Variants in TMEM131 observed in about 807,000 individuals in gnomAD.
TMEM131 encodes transmembrane protein 131.
In TMEM131, 66 loss-of-function variants were observed where a neutral mutation model predicts 211.6. The ratio of observed to expected loss-of-function variants is 0.31; its 90% confidence interval spans 0.26 to 0.38. TMEM131 has a LOEUF of 0.38. TMEM131 is among the 10% of genes least tolerant of loss of function. The pLI is 1.00. For missense variants in TMEM131, 2,036 were observed against 2,299.3 expected, an observed-to-expected ratio of 0.89 and a Z score of 2.34; for synonymous variants, 844 against 841.3, an observed-to-expected ratio of 1.00 and a Z score of -0.06.
rs148271963 is a variant in TMEM131 at position 97,785,294 on chromosome 2, G to T, written c.4144+7092C>A. Among the ~76,000 whole-genome samples, 948 of 152,248 alleles carry T rather than the reference G, an allele frequency of 6.2e-3. 14 individuals carry two copies. The highest frequency in any genetic ancestry group is 0.02 in the African/African-American group (826 of 41,554). ...GACAAAGTACTAGTATTTAGAATGTGTAAATGACTCTCAAAATCAATAGTA... is the reference window on the plus strand; with the variant it reads ...GACAAAGTACTAGTATTTAGAATGTTTAAATGACTCTCAAAATCAATAGTA... On this transcript the variant is annotated intron_variant, in intron 31 of 40. Coordinates refer to ENST00000186436, the MANE Select transcript of TMEM131 (RefSeq NM_015348.2).
At chr2:97,944,482 T>C (rs1677941948) in intron 1 of TMEM131, among the ~76,000 whole-genome samples, 1 of 152,080 alleles carries the variant, frequency 6.6e-6, no homozygotes, top group Non-Finnish European at 1.5e-5. Context: ...TTATCAAAAT[T>C]AAAACAGTTT....
chr2:97,975,357 T>C (rs762628883), intron 1 of TMEM131, among the ~76,000 whole-genome samples: 3 of 152,038 alleles, frequency 2.0e-5, no homozygotes, highest in Non-Finnish European at 4.4e-5. Context: ...TTTGTGAGAT[T>C]AAAATTAATA....
At chr2:97,905,049 CAT>C (rs1676011427) in intron 3 of TMEM131, among the ~76,000 whole-genome samples, 1 of 152,090 alleles carries the variant, frequency 6.6e-6, no homozygotes, top group African/African-American at 2.4e-5. Flanking sequence ...TATTTTTCCA[CAT>C]ATTTTTGCCT....
intron 31 of TMEM131, among the ~76,000 whole-genome samples, chr2:97,783,736 T>C (rs1680120131): frequency 6.6e-6 from 1 of 151,710 alleles, no homozygotes; most frequent in Non-Finnish European, 1.5e-5. Flanking sequence ...AATAAAATGG[T>C]AGATTTAAGT....
chr2:97,898,500 T>C (rs1335240308), intron 3 of TMEM131, among the ~76,000 whole-genome samples: 5 of 152,092 alleles, frequency 3.3e-5, no homozygotes, highest in Admixed American at 3.3e-4. Flanking sequence ...TTAGTATCCT[T>C]ACAAAAAGAG....
intron 5 of TMEM131, among the ~76,000 whole-genome samples, chr2:97,858,719 C>G (rs2105173559): frequency 6.6e-6 from 1 of 152,268 alleles, no homozygotes; most frequent in East Asian, 1.9e-4. Context: ...GAGAAGGAAC[C>G]TGGAGGCCCT....
chr2:97,950,048 T>C (rs1312874757), intron 1 of TMEM131, among the ~76,000 whole-genome samples: 1 of 152,142 alleles, frequency 6.6e-6, no homozygotes, highest in Non-Finnish European at 1.5e-5. Flanking sequence ...AACACATCAC[T>C]ATGTTTTGTG....
chr2:97,988,146 T>C (rs951838117), intron 1 of TMEM131, among the ~76,000 whole-genome samples: 1 of 152,096 alleles, frequency 6.6e-6, no homozygotes. Flanking sequence ...TGTCCAGAAA[T>C]AAACCCTTGC....
At chr2:97,931,902 C>T (rs1295966733) in intron 1 of TMEM131, among the ~76,000 whole-genome samples, 1 of 152,196 alleles carries the variant, frequency 6.6e-6, no homozygotes, top group East Asian at 1.9e-4. Context: ...CCCTCCTTGG[C>T]TTCTCAGAGC....
At position 97,792,858 on chromosome 2, in the gene TMEM131, G is replaced by C. The variant is rs1261447312; in HGVS notation, c.3672C>G (p.His1224Gln). Residue 1224 changes from histidine (H) to glutamine (Q), a missense_variant, in exon 31 of 41, where the codon CAC becomes CAG. By Grantham distance (24) the His-to-Gln change is conservative. Around this residue, in one of 3 missense-constraint regions of TMEM131, gnomAD observed 1,623 missense variants for 1,805.9 expected, o/e 0.90. Coordinates refer to ENST00000186436, the MANE Select transcript of TMEM131 (RefSeq NM_015348.2). ...CGPSVHPHSSHSNRNSADVEN... is the reference protein window; with the variant it reads ...CGPSVHPHSSQSNRNSADVEN... ...CCACGTCAGCTGAGTTTCTATTGCT[G>C]TGACTGCTGTGTGGGTGGACCGATG... The C allele has an allele frequency of 6.2e-7, 1 of 1,613,842 alleles. No homozygotes were observed. Among genetic ancestry groups the C allele is most frequent in the South Asian group, 1.1e-5 (1 of 91,070 alleles).
At position 97,818,719 on chromosome 2, in the gene TMEM131, A is replaced by G; in HGVS notation, c.1077T>C (p.Ser359=). The change falls in exon 12 of 41, where the codon AGT becomes AGC. Residue 359 remains serine (S), a splice_region_variant and synonymous_variant. Coordinates refer to ENST00000186436, the MANE Select transcript of TMEM131 (RefSeq NM_015348.2). ...NSGTKDVPIT[S]VRPTPQNDAI... is the part of the protein sequence containing the mutation. ...CATCATTTTGTGGTGTAGGTCGAAC[A>G]CTCTGCAAAGAGAACAAAAATACAT... The G allele has an allele frequency of 6.3e-7, 1 of 1,591,422 alleles. No homozygotes were observed. The highest frequency in any genetic ancestry group is 2.2e-5 in the East Asian group (1 of 44,556).
At chr2:97,889,991 C>A (rs1200077026) in intron 3 of TMEM131, among the ~76,000 whole-genome samples, 1 of 152,128 alleles carries the variant, frequency 6.6e-6, no homozygotes, top group Admixed American at 6.5e-5. Flanking sequence ...AGGAGGGACA[C>A]TGCTGCCAAG....
chr2:97,807,528 C>T (rs994395578), intron 19 of TMEM131, among the ~76,000 whole-genome samples: 1 of 152,206 alleles, frequency 6.6e-6, no homozygotes, highest in Non-Finnish European at 1.5e-5. Flanking sequence ...AAGGCCCTCA[C>T]CAATGCAGAC....
In TMEM131 at chr2:97,888,120, A is replaced by G. The variant is rs1465501507; in HGVS notation, c.291T>C (p.Ser97=). 3.7e-6 allele frequency: 6 copies of G among 1,610,924 alleles called. No homozygotes were observed. Among genetic ancestry groups the G allele is most frequent in the Non-Finnish European group, 5.1e-6 (6 of 1,177,990 alleles). ...TLGLSSYQQK[S]ISLYRGNCRP... is the part of the protein sequence containing the mutation. ...TGCAATTCCCCCGGTAGAGAGATAT[A>G]CTGTAAATAAAAAGAAAACAACATA... Residue 97 remains serine (S), a splice_region_variant and synonymous_variant, in exon 4 of 41, where the codon AGT becomes AGC. Coordinates refer to ENST00000186436, the MANE Select transcript of TMEM131 (RefSeq NM_015348.2).
intron 1 of TMEM131, among the ~76,000 whole-genome samples, chr2:97,982,238 T>G (rs1679830683): frequency 6.6e-6 from 1 of 152,190 alleles, no homozygotes; most frequent in Admixed American, 6.5e-5. Context: ...TGAAATGGAA[T>G]CTCATTTTGG....
At position 97,760,754 on chromosome 2, in the gene TMEM131, G is replaced by C. The variant is rs1678792763; in HGVS notation, c.5011+39C>G. 3.7e-6 allele frequency: 6 copies of C among 1,613,780 alleles called. No homozygotes were observed. The East Asian group carries it at 1.1e-4, about 30-fold the overall frequency. On this transcript the variant is annotated intron_variant, in intron 37 of 40. Transcript: ENST00000186436. ...GACAGAGGTCATTCCACCAGGCCTG[G>C]CGCCTGGCGTGGCAGGTCTCTGAAG...
chr2:97,937,164 G>A (rs755709182), intron 1 of TMEM131, among the ~76,000 whole-genome samples: 8 of 151,922 alleles, frequency 5.3e-5, no homozygotes, highest in Non-Finnish European at 8.8e-5. Context: ...AGGAAACCAC[G>A]TGCAAAACTA....
chr2:97,901,803 G>A (rs1675864567), intron 3 of TMEM131, among the ~76,000 whole-genome samples: 1 of 152,104 alleles, frequency 6.6e-6, no homozygotes, highest in Non-Finnish European at 1.5e-5. Flanking sequence ...GGTGTGAGAG[G>A]GAGGATGAAG....
chr2:97,917,016 T>C (rs1173995204), intron 2 of TMEM131, among the ~76,000 whole-genome samples: 1 of 152,216 alleles, frequency 6.6e-6, no homozygotes, highest in African/African-American at 2.4e-5. Context: ...GATGAGTACT[T>C]CTAGGCCTCC....
Sources: gnomAD v4.1 joint callset for allele counts (sites outside exome capture counted in the v4.1 genomes callset) on GRCh38, gnomAD v4.1.1 for gene constraint, gnomAD v4.1.1 regional missense constraint, MANE v1.5 for transcripts, NCBI Gene and HGNC (gene_info 2026-07-23, HGNC 2026-07-21) for gene names.